SAMD3: variants seen among roughly 807,000 people sequenced by gnomAD.
SAMD3 encodes the protein sterile alpha motif domain containing 3, also known as sterile alpha motif domain-containing protein 3.
A neutral mutation model predicts 58.5 loss-of-function variants in SAMD3; 63 were observed. The observed-to-expected ratio is 1.08, with a 90% CI of 0.88 to 1.33. The LOEUF is 1.33. SAMD3 is among the 40% of genes most tolerant of loss of function. The pLI, the probability that SAMD3 is intolerant of heterozygous loss-of-function variation, is 0.00. For missense variants in SAMD3, 604 were observed against 608.4 expected, an observed-to-expected ratio of 0.99 and a Z score of 0.08; for synonymous variants, 220 against 210.3, an observed-to-expected ratio of 1.05 and a Z score of -0.40.
At chr6:130,199,734 C>T (rs1053097479) in intron 5 of SAMD3, among the ~76,000 whole-genome samples, 1 of 152,182 alleles carries the variant, frequency 6.6e-6, no homozygotes, top group African/African-American at 2.4e-5. Flanking sequence ...AACAATGTCA[C>T]TTCAAAGCAC....
At chr6:130,183,983 T>TGAGA (rs144208556) in intron 7 of SAMD3, 120 bp downstream of exon 7, 3 of 701,648 alleles carry the variant, frequency 4.3e-6, no homozygotes, top group African/African-American at 3.6e-5. Context: ...ATAGACAGAA[T>TGAGA]GAGAGAGAGA....
chr6:130,364,493 T>A (rs919419472), intron 1 of SAMD3, among the ~76,000 whole-genome samples: 6 of 152,064 alleles, frequency 3.9e-5, no homozygotes, highest in African/African-American at 1.4e-4. Context: ...TGTTTCTTTA[T>A]AAAATGTAGA....
At chr6:130,344,782 G>A (rs1421421867) in intron 1 of SAMD3, among the ~76,000 whole-genome samples, 1 of 147,918 alleles carries the variant, frequency 6.8e-6, no homozygotes, top group African/African-American at 2.5e-5. Flanking sequence ...AGGAGGAGAG[G>A]GGGTAGAAGT....
At chr6:130,239,752 T>C (rs1199601665) in intron 2 of SAMD3, among the ~76,000 whole-genome samples, 11 of 152,200 alleles carry the variant, frequency 7.2e-5, no homozygotes, top group Non-Finnish European at 1.5e-4. Flanking sequence ...TAGGTTGGTT[T>C]CCATTTTGAG....
Position 130,184,588 on chromosome 6 carries a change from G to T in SAMD3, c.419C>A (p.Ala140Glu). The stretch of plus-strand genomic sequence containing the variant: ...AACATAGGACTTCGTCCACTGTAAT[G>T]CTTTGCTTCTTGCTAGAATTTGTTT... ...NVKQILARSK[A>E]LQWTKSYVLP... Residue 140 changes from alanine to glutamate, a missense_variant, in exon 6 of 12, where the codon GCA becomes GAA. Physicochemically the swap from Ala to Glu is moderately radical, Grantham distance 107. Coordinates refer to ENST00000439090, the MANE Select transcript of SAMD3 (RefSeq NM_001017373.4). 6.2e-7 allele frequency: 1 copy of T among 1,610,446 alleles called. No individual in the cohort carries two copies. Among genetic ancestry groups the T allele is most frequent in the Non-Finnish European group, 8.5e-7 (1 of 1,178,722 alleles).
At chr6:130,316,288 TAAAAAAAA>T (rs777240578) in intron 1 of SAMD3, among the ~76,000 whole-genome samples, 2 of 80,318 alleles carry the variant, frequency 2.5e-5, no homozygotes, top group Non-Finnish European at 4.9e-5. Flanking sequence ...AAGGCTGTCT[TAAAAAAAA>T]AAAAAAAAAA....
intron 2 of SAMD3, among the ~76,000 whole-genome samples, chr6:130,269,332 C>G (rs571595880): frequency 1.3e-5 from 2 of 152,178 alleles, no homozygotes; most frequent in South Asian, 4.1e-4. Flanking sequence ...TCAAGTGAAA[C>G]CATTTGGGGC....
At chr6:130,194,867 A>G (rs1434849452) in intron 5 of SAMD3, among the ~76,000 whole-genome samples, 3 of 152,062 alleles carry the variant, frequency 2.0e-5, no homozygotes, top group East Asian at 1.9e-4. Flanking sequence ...CAGATGCTCT[A>G]GGTAACTCTC....
intron 2 of SAMD3, among the ~76,000 whole-genome samples, chr6:130,283,319 G>A (rs117545028): frequency 0.026 from 3,885 of 152,244 alleles, 68 homozygotes; most frequent in Non-Finnish European, 0.04. Flanking sequence ...TGAGAGAAGA[G>A]GGAGAAGTAA....
intron 5 of SAMD3, among the ~76,000 whole-genome samples, chr6:130,187,422 G>T (rs751411713): frequency 6.6e-6 from 1 of 151,746 alleles, no homozygotes; most frequent in African/African-American, 2.4e-5. Flanking sequence ...ACTCCATCTT[G>T]CTCTAAATAG....
intron 2 of SAMD3, among the ~76,000 whole-genome samples, chr6:130,245,011 C>G (rs908710324): frequency 4.6e-5 from 7 of 152,214 alleles, no homozygotes; most frequent in African/African-American, 1.7e-4. Context: ...TTCTGATGTG[C>G]TCGTGGGCTG....
rs1796278725 is a variant in SAMD3, at chr6:130,222,912, C to A, written c.-286G>T. On this transcript the variant is annotated 5_prime_UTR_variant, in exon 1 of 12. Coordinates refer to ENST00000439090, the MANE Select transcript of SAMD3 (RefSeq NM_001017373.4). ...CTGGGTTCATATTTCTGAATGGCAG[C>A]AACTGAGCAGTGGCTGCCCCATTGA... The A allele has an allele frequency of 6.6e-6, 1 of 152,172 alleles. No individual in the cohort carries two copies. Among genetic ancestry groups the A allele is most frequent in the African/African-American group, 2.4e-5 (1 of 41,434 alleles). 9.4% of individuals were successfully genotyped at this position (152,172 alleles called of 1,614,324 possible). A position where few individuals can be genotyped will look rare whatever the true frequency, so the allele number is the denominator to read the frequency against.
chr6:130,210,216 C>T (rs924499730), intron 4 of SAMD3, among the ~76,000 whole-genome samples: 1 of 152,172 alleles, frequency 6.6e-6, no homozygotes, highest in East Asian at 1.9e-4. Flanking sequence ...TGCAAATATG[C>T]CTAACTATTT....
At chr6:130,354,576 G>A (rs12207251) in intron 1 of SAMD3, among the ~76,000 whole-genome samples, 26,999 of 152,066 alleles carry the variant, frequency 0.18, 2,635 homozygotes, top group East Asian at 0.36. Flanking sequence ...TGTAGTAACA[G>A]AAAACCAAAT....
chr6:130,358,189 C>G (rs556085351), intron 1 of SAMD3, among the ~76,000 whole-genome samples: 2 of 152,126 alleles, frequency 1.3e-5, no homozygotes, highest in Admixed American at 6.5e-5. Context: ...ATCAAGCAAC[C>G]ATTACCTTGC....
At chr6:130,244,968 G>A (rs1773492690) in intron 2 of SAMD3, among the ~76,000 whole-genome samples, 1 of 152,060 alleles carries the variant, frequency 6.6e-6, no homozygotes, top group Non-Finnish European at 1.5e-5. Flanking sequence ...TTGTTAGGAC[G>A]CATGCATGGA....
intron 2 of SAMD3, among the ~76,000 whole-genome samples, chr6:130,277,416 C>T (rs1453761061): frequency 6.6e-6 from 1 of 152,234 alleles, no homozygotes. Context: ...TGCTAGACTT[C>T]TTTTGCTGTT....
intron 1 of SAMD3, among the ~76,000 whole-genome samples, chr6:130,319,011 G>T (rs1776491037): frequency 6.6e-6 from 1 of 152,108 alleles, no homozygotes; most frequent in South Asian, 2.1e-4. Context: ...TAAAAAGACA[G>T]ACTGGATCAA....
At chr6:130,193,206 C>T (rs1255532477) in intron 5 of SAMD3, among the ~76,000 whole-genome samples, 2 of 149,072 alleles carry the variant, frequency 1.3e-5, no homozygotes, top group Non-Finnish European at 3.0e-5. Flanking sequence ...TACCCCAACC[C>T]CTTCTCTCCA....
Sources: gnomAD v4.1 joint callset for allele counts (sites outside exome capture counted in the v4.1 genomes callset) on GRCh38, gnomAD v4.1.1 for gene constraint, MANE v1.5 for transcripts, NCBI Gene and HGNC (gene_info 2026-07-23, HGNC 2026-07-21) for gene names.